The following CPVL variants were observed in gnomAD, a reference collection of about 807,000 sequenced individuals.
CPVL encodes the protein probable serine carboxypeptidase CPVL.
A neutral mutation model predicts 63.7 loss-of-function variants in CPVL; 51 were observed. That is an observed-to-expected ratio of 0.80 (90% CI 0.64 to 1.01). The LOEUF is 1.01. CPVL is among the 50% of genes least tolerant of loss of function. CPVL has a pLI of 0.00. For missense variants in CPVL, 530 were observed against 573.1 expected (o/e 0.92, Z 0.77); for synonymous variants, 195 against 206.0 (o/e 0.95, Z 0.46).
chr7:29,019,972 A>T (rs1307249908), intron 12 of CPVL, among the ~76,000 whole-genome samples: 1 of 152,218 alleles, frequency 6.6e-6, no homozygotes, highest in Non-Finnish European at 1.5e-5. Flanking sequence ...CCAGAGGAGT[A>T]CCATTTCATC....
chr7:29,130,004 A>G (rs1442739523), intron 1 of CPVL, among the ~76,000 whole-genome samples: 1 of 152,216 alleles, frequency 6.6e-6, no homozygotes, highest in Non-Finnish European at 1.5e-5. Flanking sequence ...CGTAGCCTAC[A>G]GGTTTCAGGA....
chr7:29,015,862 A>G (rs1009593965), intron 12 of CPVL, among the ~76,000 whole-genome samples: 1 of 152,178 alleles, frequency 6.6e-6, no homozygotes, highest in Non-Finnish European at 1.5e-5. Flanking sequence ...TTTTCAGGTG[A>G]AGCTTCTGTT....
At chr7:29,143,963 T>A (rs1792176245) in intron 1 of CPVL, among the ~76,000 whole-genome samples, 1 of 152,246 alleles carries the variant, frequency 6.6e-6, no homozygotes. Context: ...ACAGCTGTCT[T>A]GTGAACTGTC....
chr7:28,996,851 C>T (rs541787466), intron 12 of CPVL, among the ~76,000 whole-genome samples: 5 of 150,702 alleles, frequency 3.3e-5, no homozygotes, highest in African/African-American at 1.2e-4. Flanking sequence ...CACACTTCAG[C>T]ATCACATTAT....
intron 7 of CPVL, among the ~76,000 whole-genome samples, chr7:29,075,574 C>T (rs933869347): frequency 2.0e-5 from 3 of 148,580 alleles, no homozygotes; most frequent in Non-Finnish European, 4.4e-5. Context: ...GAATATACCA[C>T]GGGTCTGAGG....
At chr7:29,042,950 C>T (rs1340862393) in intron 11 of CPVL, among the ~76,000 whole-genome samples, 2 of 152,184 alleles carry the variant, frequency 1.3e-5, no homozygotes, top group East Asian at 3.9e-4. Context: ...TCTGGCTGAC[C>T]CATTGGCATT....
At chr7:29,055,540 C>T (rs901040409) in intron 11 of CPVL, among the ~76,000 whole-genome samples, 10 of 152,148 alleles carry the variant, frequency 6.6e-5, no homozygotes, top group African/African-American at 1.7e-4. Context: ...CATGAGCCAC[C>T]GTGCCCGGCC....
chr7:29,124,290 C>A (rs1338140251), intron 1 of CPVL, among the ~76,000 whole-genome samples: 2 of 152,054 alleles, frequency 1.3e-5, no homozygotes, highest in Non-Finnish European at 2.9e-5. Flanking sequence ...AATTGTTAAC[C>A]CTACACTTTA....
chr7:29,007,514 A>G (rs1224845765), intron 12 of CPVL, among the ~76,000 whole-genome samples: 1 of 152,228 alleles, frequency 6.6e-6, no homozygotes, highest in East Asian at 1.9e-4. Context: ...GCACTGAGGT[A>G]ATGAAATTTC....
At chr7:29,093,671 C>G (rs1455056348) in intron 5 of CPVL, among the ~76,000 whole-genome samples, 1 of 152,128 alleles carries the variant, frequency 6.6e-6, no homozygotes, top group African/African-American at 2.4e-5. Flanking sequence ...ATTTTTATGT[C>G]AACAATTTGC....
At chr7:29,004,622 T>C (rs917223093) in intron 12 of CPVL, among the ~76,000 whole-genome samples, 3 of 152,230 alleles carry the variant, frequency 2.0e-5, no homozygotes, top group African/African-American at 7.2e-5. Context: ...GCTCAGGGTT[T>C]GAGCCCAGTT....
At chr7:29,044,748 G>T (rs760975626) in intron 11 of CPVL, among the ~76,000 whole-genome samples, 12 of 152,268 alleles carry the variant, frequency 7.9e-5, no homozygotes, top group Admixed American at 1.3e-4. Context: ...TAAAGTCAAC[G>T]GATGTAATCG....
chr7:29,108,897 G>A (rs569855736), intron 3 of CPVL, among the ~76,000 whole-genome samples: 145 of 152,282 alleles, frequency 9.5e-4, no homozygotes, highest in African/African-American at 3.2e-3. Context: ...TCCATGACTC[G>A]TTTTCTCTGG....
At chr7:29,167,835 T>G (rs1316307566) in intron 5 of CPVL, among the ~76,000 whole-genome samples, 3 of 152,256 alleles carry the variant, frequency 2.0e-5, no homozygotes, top group African/African-American at 7.2e-5. Flanking sequence ...GTTTGACTTG[T>G]AATGAATTGT....
chr7:29,013,172 C>T (rs1057503244), intron 12 of CPVL: 10 of 152,158 alleles, frequency 6.6e-5, no homozygotes, highest in African/African-American at 2.4e-4. Flanking sequence ...CAGGCCAGGA[C>T]ACTACATGAT....
At chr7:29,062,079 A>G (rs1333737304) in intron 11 of CPVL, among the ~76,000 whole-genome samples, 1 of 152,194 alleles carries the variant, frequency 6.6e-6, no homozygotes, top group East Asian at 1.9e-4. Flanking sequence ...ACAGAACATC[A>G]TCTTTAAGAC....
At chr7:28,998,097 C>T (rs1056873962) in intron 12 of CPVL, among the ~76,000 whole-genome samples, 1 of 152,162 alleles carries the variant, frequency 6.6e-6, no homozygotes, top group African/African-American at 2.4e-5. Context: ...CATAGGACTC[C>T]AGAGGGAAAC....
chr7:29,139,268 G>C (rs1366864457), intron 1 of CPVL, among the ~76,000 whole-genome samples: 1 of 152,128 alleles, frequency 6.6e-6, no homozygotes, highest in Non-Finnish European at 1.5e-5. Context: ...TTCTCCCCTT[G>C]GACTTCAGTT....
chr7:29,180,731 C>G (rs917414954), intron 5 of CPVL, among the ~76,000 whole-genome samples: 1 of 152,192 alleles, frequency 6.6e-6, no homozygotes, highest in Non-Finnish European at 1.5e-5. Context: ...TTAAGGGGCA[C>G]TAGAGTCCAG....
Sources: gnomAD v4.1 joint callset for allele counts (sites outside exome capture counted in the v4.1 genomes callset) on GRCh38, gnomAD v4.1.1 for gene constraint, MANE v1.5 for transcripts, NCBI Gene and HGNC (gene_info 2026-07-23, HGNC 2026-07-21) for gene names.